ATF2: variants seen among roughly 807,000 people sequenced by gnomAD.
ATF2 encodes the protein cyclic AMP-dependent transcription factor ATF-2.
Under a neutral mutation model 60.6 loss-of-function variants are expected in ATF2, and 24 were observed. That is an observed-to-expected ratio of 0.40 (90% CI 0.29 to 0.56). ATF2 has a LOEUF of 0.56. Among genes scored for constraint, ATF2 ranks in the 20% least tolerant of loss-of-function variants. The pLI is 0.54. For missense variants in ATF2, 433 were observed against 607.7 expected (o/e 0.71, Z 3.02); for synonymous variants, 206 against 215.4 (o/e 0.96, Z 0.38).
At chr2:175,124,468 TC>T (rs1559090179) in intron 4 of ATF2, among the ~76,000 whole-genome samples, 1 of 151,854 alleles carries the variant, frequency 6.6e-6, no homozygotes, top group African/African-American at 2.4e-5. Context: ...AGAATTAACT[TC>T]CTAAAAAATC....
intron 10 of ATF2, among the ~76,000 whole-genome samples, chr2:175,103,943 T>C (rs1184194031): frequency 1.3e-5 from 2 of 152,130 alleles, no homozygotes; most frequent in African/African-American, 4.8e-5. Flanking sequence ...AAAAGTACTA[T>C]ATAGTCTTTC....
At chr2:175,142,833 A>AGTGT (rs1221487320) in intron 2 of ATF2, among the ~76,000 whole-genome samples, 13 of 150,204 alleles carry the variant, frequency 8.7e-5, no homozygotes, top group African/African-American at 2.5e-4. Flanking sequence ...AGCAAGAGAG[A>AGTGT]GAGTGTGTGT....
intron 12 of ATF2, among the ~76,000 whole-genome samples, chr2:175,090,278 A>G (rs990598419): frequency 6.6e-6 from 1 of 152,044 alleles, no homozygotes; most frequent in Non-Finnish European, 1.5e-5. Context: ...TTTGTTCTAT[A>G]TTCTTTCACT....
At chr2:175,148,952 G>A (rs1699127778) in intron 2 of ATF2, among the ~76,000 whole-genome samples, 1 of 152,028 alleles carries the variant, frequency 6.6e-6, no homozygotes, top group Non-Finnish European at 1.5e-5. Context: ...ATAAAACCAA[G>A]CTGTAGCCCA....
Position 175,097,437 on chromosome 2 carries a change from C to CACAT in ATF2, c.978+3_978+6dup. 6.2e-7 allele frequency: 1 copy of CACAT among 1,613,386 alleles called. No homozygotes were observed. The highest frequency in any genetic ancestry group is 8.5e-7 in the Non-Finnish European group (1 of 1,179,772). ...AGAGTGCTGAATAATAAAAACAACACACATACCGGAGTTTCTGTAGTGGAT... is the reference window on the plus strand; with the variant it reads ...AGAGTGCTGAATAATAAAAACAACACACATACATACCGGAGTTTCTGTAGTGGAT... On this transcript the variant is annotated splice_region_variant and intron_variant, in intron 11 of 13. Transcript: ENST00000264110.
chr2:175,120,324 C>A (rs1302105038), intron 5 of ATF2, among the ~76,000 whole-genome samples: 1 of 150,986 alleles, frequency 6.6e-6, no homozygotes, highest in Admixed American at 6.6e-5. Flanking sequence ...TTATCTCACT[C>A]TTCTGTATAA....
intron 3 of ATF2, among the ~76,000 whole-genome samples, chr2:175,131,214 T>C (rs114011293): frequency 2.6e-5 from 4 of 152,362 alleles, no homozygotes; most frequent in Non-Finnish European, 5.9e-5. Context: ...CAACTTGATA[T>C]TGCACTGGTA....
chr2:175,154,042 C>T (rs920990663), intron 1 of ATF2, among the ~76,000 whole-genome samples: 1 of 150,996 alleles, frequency 6.6e-6, no homozygotes, highest in Non-Finnish European at 1.5e-5. Flanking sequence ...CAACATGGAC[C>T]TCATCTCTAC....
intron 8 of ATF2, chr2:175,114,484 ATTTGT>A: frequency 1.6e-6 from 2 of 1,279,862 alleles, no homozygotes; most frequent in Non-Finnish European, 2.0e-6. Context: ...CACATTCTAT[ATTTGT>A]TTTTAGTTGT....
rs139296969 is a variant in ATF2, at chr2:175,088,597, T to C, written c.1185+4464A>G. Among the ~76,000 whole-genome samples the C allele has an allele frequency of 4.7e-3, 708 of 152,016 alleles. 7 individuals carry two copies. The highest frequency in any genetic ancestry group is 0.016 in the African/African-American group (680 of 41,532). ...ATCACAGTTTTTGCCATTAAAAGTA[T>C]GTTTTGCCGTTACCTTTAATGGCAA... On this transcript the variant is annotated intron_variant, in intron 12 of 13. Transcript: ENST00000264110.
At chr2:175,107,550 GTCTCCCTCTCCCTCTCCCCATGGTCTCCC>G (rs1559071650) in intron 10 of ATF2, among the ~76,000 whole-genome samples, 2 of 141,620 alleles carry the variant, frequency 1.4e-5, no homozygotes, top group Admixed American at 6.9e-5. Flanking sequence ...TCTCCCCACG[GTCTCCCTCTCCCTCTCCCCATGGTCTCCC>G]TCTCCCTCTC....
At chr2:175,145,422 A>G (rs1008051129) in intron 2 of ATF2, among the ~76,000 whole-genome samples, 4 of 152,114 alleles carry the variant, frequency 2.6e-5, no homozygotes, top group African/African-American at 7.2e-5. Flanking sequence ...TGCTCTCACC[A>G]TGTTATGTGC....
chr2:175,121,583 G>T, intron 4 of ATF2, 43 bp from the exon 5 acceptor site: 1 of 1,395,794 alleles, frequency 7.2e-7, no homozygotes, highest in South Asian at 1.2e-5. Flanking sequence ...TTTTCAATTT[G>T]ATCAAATAAG....
intron 7 of ATF2, among the ~76,000 whole-genome samples, chr2:175,117,267 GC>G (rs1696643460): frequency 6.6e-6 from 1 of 151,728 alleles, no homozygotes. Flanking sequence ...TTTATTCTTA[GC>G]CAAAAAGTTA....
intron 2 of ATF2, 27 bp from the exon 3 acceptor site, chr2:175,136,513 T>C: frequency 7.3e-7 from 1 of 1,372,950 alleles, no homozygotes; most frequent in South Asian, 1.2e-5. Context: ...TTTCACACTG[T>C]TAAAAATAGT....
intron 3 of ATF2, among the ~76,000 whole-genome samples, chr2:175,130,594 T>G (rs1428319876): frequency 6.6e-6 from 1 of 152,190 alleles, no homozygotes; most frequent in Non-Finnish European, 1.5e-5. Flanking sequence ...TCTCCAGTCC[T>G]ATATTCTAGT....
intron 10 of ATF2, among the ~76,000 whole-genome samples, chr2:175,106,186 T>C (rs927797781): frequency 1.3e-5 from 2 of 152,032 alleles, no homozygotes; most frequent in African/African-American, 4.8e-5. Flanking sequence ...AAATAGACAG[T>C]AGAAATATAC....
At chr2:175,076,996 G>A (rs1301843769) in intron 13 of ATF2, among the ~76,000 whole-genome samples, 1 of 128,994 alleles carries the variant, frequency 7.8e-6, no homozygotes, top group Non-Finnish European at 1.5e-5. Context: ...CCCTTCCTAT[G>A]TCCATGTGTT....
intron 10 of ATF2, among the ~76,000 whole-genome samples, chr2:175,098,090 T>C (rs1695059806): frequency 6.6e-6 from 1 of 152,256 alleles, no homozygotes; most frequent in Non-Finnish European, 1.5e-5. Context: ...ATTTGTCATA[T>C]GCAACTATTT....
Sources: allele counts gnomAD v4.1 joint callset (sites outside exome capture counted in the v4.1 genomes callset), GRCh38; gene constraint gnomAD v4.1.1; transcripts MANE v1.5; gene names NCBI Gene and HGNC (gene_info 2026-07-23, HGNC 2026-07-21).